Variants in AGBL4 observed in about 807,000 individuals in gnomAD.
The protein encoded by AGBL4 is cytosolic carboxypeptidase 6.
AGBL4 carries 58 observed loss-of-function variants against 66.4 expected under a neutral mutation model. The ratio of observed to expected loss-of-function variants is 0.87; its 90% CI spans 0.71 to 1.09. AGBL4 has a LOEUF of 1.09. AGBL4 is among the 50% of genes least tolerant of loss of function. The pLI, the probability that AGBL4 is intolerant of heterozygous loss-of-function variation, is 0.00. For synonymous variants in AGBL4, 234 were observed against 222.9 expected, an observed-to-expected ratio of 1.05 and a Z score of -0.44; for missense variants, 579 against 631.0, an observed-to-expected ratio of 0.92 and a Z score of 0.88.
chr1:49,155,728 T>C (rs943302818), intron 4 of AGBL4, among the ~76,000 whole-genome samples: 9 of 152,034 alleles, frequency 5.9e-5, no homozygotes, highest in African/African-American at 2.2e-4. Flanking sequence ...AACAATAAGG[T>C]GGCCATGACA....
chr1:48,973,021 A>T (rs1659034766), intron 5 of AGBL4, among the ~76,000 whole-genome samples: 1 of 152,056 alleles, frequency 6.6e-6, no homozygotes, highest in South Asian at 2.1e-4. Flanking sequence ...ACCTAATTCT[A>T]TCTCTAGTCC....
At chr1:49,124,549 T>C (rs570910956) in intron 4 of AGBL4, among the ~76,000 whole-genome samples, 1 of 152,264 alleles carries the variant, frequency 6.6e-6, no homozygotes, top group Admixed American at 6.5e-5. Context: ...TGTAGCTCAA[T>C]GGAGAGGAAC....
chr1:48,563,340 T>C (rs1644425246), intron 11 of AGBL4, among the ~76,000 whole-genome samples: 1 of 152,214 alleles, frequency 6.6e-6, no homozygotes, highest in East Asian at 1.9e-4. Context: ...CAAGAGTTAC[T>C]CACTTAGGCA....
At chr1:49,289,404 A>C (rs111502483) in intron 3 of AGBL4, among the ~76,000 whole-genome samples, 4,185 of 152,252 alleles carry the variant, frequency 0.027, 167 homozygotes, top group African/African-American at 0.095. Context: ...AGCCAGACAC[A>C]AAAGAAAACC....
At chr1:49,877,003 G>C (rs2148128060) in intron 1 of AGBL4, among the ~76,000 whole-genome samples, 1 of 151,810 alleles carries the variant, frequency 6.6e-6, no homozygotes, top group African/African-American at 2.4e-5. Flanking sequence ...TTTGTACATT[G>C]ATTTTGTATC....
intron 6 of AGBL4, among the ~76,000 whole-genome samples, chr1:48,821,598 C>G (rs768215917): frequency 1.3e-5 from 2 of 151,960 alleles, no homozygotes; most frequent in Non-Finnish European, 2.9e-5. Flanking sequence ...CCAAAAGCTG[C>G]GAGAGTGGGA....
At chr1:48,759,177 C>G in intron 6 of AGBL4, 3 of 1,613,980 alleles carry the variant, frequency 1.9e-6, no homozygotes, top group Non-Finnish European at 2.5e-6. Context: ...AGACCTCTTC[C>G]GGACACGTGC....
intron 4 of AGBL4, among the ~76,000 whole-genome samples, chr1:49,118,658 C>T (rs971435321): frequency 2.6e-5 from 4 of 152,034 alleles, no homozygotes; most frequent in Non-Finnish European, 5.9e-5. Flanking sequence ...CTAAAATTCT[C>T]TTTTTTTGTT....
At chr1:49,725,987 G>A (rs1417274767) in intron 2 of AGBL4, among the ~76,000 whole-genome samples, 2 of 152,144 alleles carry the variant, frequency 1.3e-5, no homozygotes, top group Non-Finnish European at 2.9e-5. Flanking sequence ...GAAACAAAAA[G>A]GTGATTTAGA....
intron 11 of AGBL4, among the ~76,000 whole-genome samples, chr1:48,557,889 C>A (rs934502443): frequency 3.3e-5 from 5 of 151,244 alleles, no homozygotes; most frequent in African/African-American, 1.2e-4. Flanking sequence ...CTCCACTGTT[C>A]TTGGCCTGTC....
chr1:48,576,650 C>T (rs576433206), intron 11 of AGBL4, among the ~76,000 whole-genome samples: 1 of 152,256 alleles, frequency 6.6e-6, no homozygotes, highest in South Asian at 2.1e-4. Flanking sequence ...CCCTTTCCAA[C>T]CTGATGCCTC....
chr1:49,890,217 A>G (rs1203760240), intron 1 of AGBL4, among the ~76,000 whole-genome samples: 1 of 152,228 alleles, frequency 6.6e-6, no homozygotes, highest in African/African-American at 2.4e-5. Context: ...AACTTTCCCA[A>G]TATCACACAG....
intron 3 of AGBL4, among the ~76,000 whole-genome samples, chr1:49,269,570 A>G (rs770903661): frequency 6.6e-6 from 1 of 152,156 alleles, no homozygotes; most frequent in Non-Finnish European, 1.5e-5. Flanking sequence ...TCTGAAGGCT[A>G]CTACCTGTGA....
chr1:49,326,942 C>A (rs1478560880), intron 3 of AGBL4, among the ~76,000 whole-genome samples: 4 of 152,120 alleles, frequency 2.6e-5, no homozygotes, highest in Non-Finnish European at 4.4e-5. Flanking sequence ...AGGGGAGAAT[C>A]TGTTTATCTG....
chr1:48,636,290 G>T (rs1460185978), intron 8 of AGBL4, among the ~76,000 whole-genome samples: 1 of 152,218 alleles, frequency 6.6e-6, no homozygotes, highest in Non-Finnish European at 1.5e-5. Context: ...CTTTGATGTA[G>T]TTCCTGCCAT....
intron 1 of AGBL4, among the ~76,000 whole-genome samples, chr1:49,929,091 C>A (rs1416966390): frequency 6.6e-6 from 1 of 152,092 alleles, no homozygotes; most frequent in South Asian, 2.1e-4. Context: ...TACATATTCT[C>A]ACTTATAAGT....
At chr1:48,759,121 T>A in intron 6 of AGBL4, 1 of 1,612,290 alleles carries the variant, frequency 6.2e-7, no homozygotes, top group Non-Finnish European at 8.5e-7. Context: ...CACCACAGCA[T>A]CTTCTAGACT....
At chr1:48,774,121 C>A (rs915583845) in intron 6 of AGBL4, among the ~76,000 whole-genome samples, 4 of 152,230 alleles carry the variant, frequency 2.6e-5, no homozygotes, top group African/African-American at 9.6e-5. Flanking sequence ...CTGAAACTAC[C>A]TTGGAAACCA....
At position 49,530,278 on chromosome 1, in the gene AGBL4, A is replaced by AAAAAAC. The variant is rs1186915086; in HGVS notation, c.282+167034_282+167035insGTTTTT. 2.8e-5 allele frequency among the ~76,000 whole-genome samples: 4 copies of AAAAAAC among 145,108 alleles called. 1 individual carries two copies. Among genetic ancestry groups the AAAAAAC allele is most frequent in the Non-Finnish European group, 4.6e-5 (3 of 64,964 alleles). On this transcript the variant is annotated intron_variant, in intron 3 of 13. Transcript: ENST00000371839. ...AATTTGTAAAAAAAAAAAAACAAAA[A>AAAAAAC]AAAACTCTATGAGTTTTTTTTTATT...
Sources: allele counts gnomAD v4.1 joint callset (sites outside exome capture counted in the v4.1 genomes callset), GRCh38; gene constraint gnomAD v4.1.1; transcripts MANE v1.5; gene names NCBI Gene and HGNC (gene_info 2026-07-23, HGNC 2026-07-21).